The following SYCP1 variants were observed in gnomAD, a reference collection of about 807,000 sequenced individuals.
The protein encoded by SYCP1 is cancer/testis antigen 8.
A neutral mutation model predicts 153.1 loss-of-function variants in SYCP1; 64 were observed. The observed-to-expected ratio is 0.42, with a 90% CI of 0.34 to 0.51. The LOEUF is 0.51. Ranked by LOEUF, SYCP1 falls within the 20% of genes least tolerant of loss-of-function variation. The pLI is 0.06. For missense variants in SYCP1, 997 were observed against 1,049.0 expected, an observed-to-expected ratio of 0.95 and a Z score of 0.68; for synonymous variants, 384 against 341.8, an observed-to-expected ratio of 1.12 and a Z score of -1.36.
chr1:114,933,431 C>T (rs1669771412), intron 23 of SYCP1, among the ~76,000 whole-genome samples: 1 of 152,096 alleles, frequency 6.6e-6, no homozygotes, highest in Non-Finnish European at 1.5e-5. Flanking sequence ...TAGATAAAAC[C>T]ACAAAGATGG....
At chr1:114,959,748 C>T (rs1671664081) in intron 27 of SYCP1, among the ~76,000 whole-genome samples, 1 of 152,026 alleles carries the variant, frequency 6.6e-6, no homozygotes. Flanking sequence ...TACTACCCTT[C>T]CCAGCCTCTG....
In SYCP1 at chr1:114,981,334, A is replaced by C; in HGVS notation, c.2383-2A>C. On this transcript the variant is annotated splice_acceptor_variant, in intron 28 of 31. Transcript: ENST00000369522. LOFTEE classifies it high-confidence loss of function. ...TTTATTCATTCTTGTTGTTCAATGC[A>C]GAAAACACAAACATTTTTATTGGAA... The C allele has an allele frequency of 6.3e-7, 1 of 1,582,146 alleles. No individual in the cohort carries two copies. Among genetic ancestry groups the C allele is most frequent in the Non-Finnish European group, 8.6e-7 (1 of 1,166,856 alleles).
chr1:114,924,672 TTAAG>T (rs1669141988), intron 21 of SYCP1, among the ~76,000 whole-genome samples: 1 of 152,058 alleles, frequency 6.6e-6, no homozygotes, highest in African/African-American at 2.4e-5. Flanking sequence ...CATGGCATAT[TTAAG>T]TAACTACAAA....
At chr1:114,899,853 C>T (rs1667303100) in intron 16 of SYCP1, among the ~76,000 whole-genome samples, 1 of 152,170 alleles carries the variant, frequency 6.6e-6, no homozygotes, top group Non-Finnish European at 1.5e-5. Context: ...ACTCCAGAGG[C>T]CCTTCTGAAG....
intron 16 of SYCP1, among the ~76,000 whole-genome samples, chr1:114,905,626 C>A (rs1667760026): frequency 1.3e-5 from 2 of 152,130 alleles, no homozygotes; most frequent in Non-Finnish European, 2.9e-5. Flanking sequence ...TGTTTCTTTT[C>A]TGTTTTCTGG....
At chr1:114,859,322 C>T (rs185910627) in intron 6 of SYCP1, among the ~76,000 whole-genome samples, 9 of 152,224 alleles carry the variant, frequency 5.9e-5, no homozygotes, top group African/African-American at 1.2e-4. Context: ...TCCTAGACCT[C>T]GTGACCCACC....
At chr1:114,975,553 A>G (rs1303472466) in intron 27 of SYCP1, among the ~76,000 whole-genome samples, 9 of 151,604 alleles carry the variant, frequency 5.9e-5, no homozygotes, top group Admixed American at 4.6e-4. Flanking sequence ...TGATTCCTGT[A>G]TCTCTTTAAC....
chr1:114,905,641 G>A (rs562949309), intron 16 of SYCP1, among the ~76,000 whole-genome samples: 126 of 152,316 alleles, frequency 8.3e-4, no homozygotes, highest in African/African-American at 2.8e-3. Context: ...TTCTGGAAGA[G>A]ATTGTGTAAA....
chr1:114,913,160 A>G lies in SYCP1; in HGVS notation c.1647+10A>G. On this transcript the variant is annotated intron_variant, in intron 19 of 31. Coordinates refer to ENST00000369522, the MANE Select transcript of SYCP1 (RefSeq NM_003176.4). ...GCAAGAAGATATTAATGTGAGTTGAAAAAGAAAGTGCTGGTGACTTAGTTT... is the reference window on the plus strand; with the variant it reads ...GCAAGAAGATATTAATGTGAGTTGAGAAAGAAAGTGCTGGTGACTTAGTTT... 1 of 1,598,476 alleles carries G rather than the reference A, an allele frequency of 6.3e-7. No homozygotes were observed. Among genetic ancestry groups the G allele is most frequent in the Non-Finnish European group, 8.6e-7 (1 of 1,166,982 alleles).
chr1:114,859,976 G>C (rs1570645662), intron 7 of SYCP1, among the ~76,000 whole-genome samples, 166 bp downstream of exon 7: 1 of 152,212 alleles, frequency 6.6e-6, no homozygotes, highest in Admixed American at 6.5e-5. Context: ...GTACATTCTT[G>C]TGTTTGGCAA....
intron 12 of SYCP1, among the ~76,000 whole-genome samples, chr1:114,883,938 G>A (rs531961937): frequency 6.6e-6 from 1 of 152,174 alleles, no homozygotes; most frequent in Non-Finnish European, 1.5e-5. Flanking sequence ...TGATCCACCC[G>A]CCTCGGCCTC....
At chr1:114,976,973 A>G (rs1240355997) in intron 27 of SYCP1, among the ~76,000 whole-genome samples, 4 of 151,754 alleles carry the variant, frequency 2.6e-5, no homozygotes, top group Admixed American at 1.3e-4. Context: ...GATGGTTGTC[A>G]TATTACAGGC....
At chr1:114,972,968 C>A (rs997982297) in intron 27 of SYCP1, among the ~76,000 whole-genome samples, 1 of 152,012 alleles carries the variant, frequency 6.6e-6, no homozygotes, top group African/African-American at 2.4e-5. Flanking sequence ...TATGTATTTC[C>A]CTCAGGCTTC....
At chr1:114,919,738 G>A (rs1668742568) in intron 20 of SYCP1, among the ~76,000 whole-genome samples, 1 of 151,994 alleles carries the variant, frequency 6.6e-6, no homozygotes, top group South Asian at 2.1e-4. Context: ...AGGGTTGTAT[G>A]TGTCTAGGTA....
intron 27 of SYCP1, among the ~76,000 whole-genome samples, chr1:114,951,154 T>C (rs990210203): frequency 2.6e-5 from 4 of 152,318 alleles, no homozygotes; most frequent in Non-Finnish European, 4.4e-5. Context: ...ATTTTAAGAA[T>C]GTAAGTAATA....
At chr1:114,935,764 T>C (rs1345244428) in intron 23 of SYCP1, among the ~76,000 whole-genome samples, 3 of 152,134 alleles carry the variant, frequency 2.0e-5, no homozygotes, top group African/African-American at 4.8e-5. Flanking sequence ...CATCAGAGAA[T>C]ACTATAAACA....
chr1:114,877,578 G>A lies in SYCP1; in HGVS notation c.802-516G>A, dbSNP rs140154514. 1.4e-3 allele frequency among the ~76,000 whole-genome samples: 217 copies of A among 152,286 alleles called. 1 individual carries two copies. The highest frequency in any genetic ancestry group is 5.0e-3 in the African/African-American group (207 of 41,570). On this transcript the variant is annotated intron_variant, in intron 11 of 31. Coordinates refer to ENST00000369522, the MANE Select transcript of SYCP1 (RefSeq NM_003176.4). ...CAAAAATAGAGTGAAGTACTGAAAC[G>A]CTTTTTGGAGTTCTAGGTGCATGGG...
chr1:114,883,665 C>T (rs558908841), intron 12 of SYCP1, among the ~76,000 whole-genome samples: 2 of 152,298 alleles, frequency 1.3e-5, no homozygotes, highest in Admixed American at 6.5e-5. Context: ...TCAGAGGAGA[C>T]ATTTATCACC....
intron 27 of SYCP1, among the ~76,000 whole-genome samples, chr1:114,963,462 T>A (rs1335643026): frequency 6.6e-6 from 1 of 152,150 alleles, no homozygotes; most frequent in Non-Finnish European, 1.5e-5. Flanking sequence ...GCCATGGTGG[T>A]TTGCTGCACT....
Sources: allele counts gnomAD v4.1 joint callset (sites outside exome capture counted in the v4.1 genomes callset), GRCh38; gene constraint gnomAD v4.1.1; transcripts MANE v1.5; gene names NCBI Gene and HGNC (gene_info 2026-07-23, HGNC 2026-07-21).